The following THSD4 variants were observed in gnomAD, a reference collection of about 807,000 sequenced individuals.
THSD4 encodes the protein thrombospondin type 1 domain containing 4.
A neutral mutation model predicts 119.0 loss-of-function variants in THSD4; 69 were observed. That is an observed-to-expected ratio of 0.58 (90% confidence interval 0.48 to 0.71). The LOEUF is 0.71. Among genes scored for constraint, THSD4 ranks in the 30% least tolerant of loss-of-function variants. The probability of loss-of-function intolerance (pLI) is 0.00; values close to 1 mark genes in which losing one functional copy is unlikely to be tolerated. For synonymous variants in THSD4, 524 were observed against 540.4 expected, an observed-to-expected ratio of 0.97 and a Z score of 0.42; for missense variants, 1,393 against 1,391.1, an observed-to-expected ratio of 1.00 and a Z score of -0.02.
intron 6 of THSD4, among the ~76,000 whole-genome samples, chr15:71,359,586 T>G (rs994028005): frequency 6.6e-5 from 10 of 152,158 alleles, no homozygotes; most frequent in African/African-American, 2.4e-4. Flanking sequence ...GGTGGGTAGA[T>G]TGCTTGAGTT....
At chr15:71,579,985 T>C (rs2049527905) in intron 7 of THSD4, among the ~76,000 whole-genome samples, 1 of 152,058 alleles carries the variant, frequency 6.6e-6, no homozygotes. Context: ...AACCACAGGA[T>C]GCAAATTACA....
chr15:71,203,794 C>A (rs1328039889), intron 3 of THSD4, among the ~76,000 whole-genome samples: 1 of 152,154 alleles, frequency 6.6e-6, no homozygotes, highest in Non-Finnish European at 1.5e-5. Context: ...TGAACACTTG[C>A]TGCGTGCTGT....
intron 8 of THSD4, among the ~76,000 whole-genome samples, chr15:71,720,059 C>T (rs62023264): frequency 1.8e-4 from 20 of 112,070 alleles, no homozygotes; most frequent in Admixed American, 3.6e-4. Flanking sequence ...TTTTGAGACA[C>T]GGTCCCACTC....
intron 7 of THSD4, among the ~76,000 whole-genome samples, chr15:71,485,009 G>A (rs141397187): frequency 7.2e-5 from 11 of 152,234 alleles, no homozygotes; most frequent in African/African-American, 2.6e-4. Flanking sequence ...AAACCATTTT[G>A]TGTCTTCAAA....
chr15:71,736,119 GTC>G (rs1326402075), intron 10 of THSD4, among the ~76,000 whole-genome samples: 3 of 114,518 alleles, frequency 2.6e-5, no homozygotes, highest in African/African-American at 1.0e-4. Context: ...CTCTGTTGCT[GTC>G]TCTGTCTCTC....
intron 4 of THSD4, among the ~76,000 whole-genome samples, chr15:71,240,800 C>T (rs1596286082): frequency 1.6e-4 from 2 of 12,790 alleles, no homozygotes; most frequent in South Asian, 3.2e-3. Context: ...TATGTGTATA[C>T]ACACACACAC....
At chr15:71,611,342 C>T (rs1333957182) in intron 7 of THSD4, among the ~76,000 whole-genome samples, 1 of 152,182 alleles carries the variant, frequency 6.6e-6, no homozygotes, top group Non-Finnish European at 1.5e-5. Context: ...AAAAATAATG[C>T]CATTTTCCTT....
At chr15:71,281,710 T>C (rs374959885) in intron 6 of THSD4, among the ~76,000 whole-genome samples, 1 of 152,236 alleles carries the variant, frequency 6.6e-6, no homozygotes, top group Non-Finnish European at 1.5e-5. Context: ...CCTTTCTCCA[T>C]AGCATGAAGA....
intron 8 of THSD4, among the ~76,000 whole-genome samples, chr15:71,685,258 T>G (rs2141038864): frequency 6.6e-6 from 1 of 152,190 alleles, no homozygotes; most frequent in African/African-American, 2.4e-5. Flanking sequence ...GTGACACTTC[T>G]GTTTTTGCTG....
chr15:71,340,529 T>G (rs1190932438), intron 6 of THSD4, among the ~76,000 whole-genome samples: 1 of 152,094 alleles, frequency 6.6e-6, no homozygotes, highest in Admixed American at 6.5e-5. Context: ...TGGAGCTTCC[T>G]TGCTGTGACT....
intron 7 of THSD4, among the ~76,000 whole-genome samples, chr15:71,500,967 G>T (rs547881360): frequency 6.6e-6 from 1 of 152,134 alleles, no homozygotes; most frequent in Non-Finnish European, 1.5e-5. Context: ...AGGGTCCTTG[G>T]TGGTTCCATA....
chr15:71,454,279 A>G (rs2047306642), intron 7 of THSD4, among the ~76,000 whole-genome samples: 2 of 152,026 alleles, frequency 1.3e-5, no homozygotes, highest in African/African-American at 4.8e-5. Context: ...AACAAAAAGA[A>G]ACCCCACTCT....
At chr15:71,581,704 G>A (rs1387872430) in intron 7 of THSD4, among the ~76,000 whole-genome samples, 1 of 152,098 alleles carries the variant, frequency 6.6e-6, no homozygotes, top group Non-Finnish European at 1.5e-5. Context: ...TTTGTGTAGA[G>A]ATAAGGGTTT....
At position 71,569,229 on chromosome 15, in the gene THSD4, G is replaced by A. The variant is rs151267304; in HGVS notation, c.1153-91301G>A. ...CATGGATGTGAGTGCTGACCCACAC[G>A]GAGGCTTTCTTTGCTATTTGATTTC... On this transcript the variant is annotated intron_variant, in intron 7 of 17. Transcript: ENST00000261862. Among the ~76,000 whole-genome samples, 457 of 152,220 alleles carry A rather than the reference G, an allele frequency of 3.0e-3. 2 individuals carry two copies. Among genetic ancestry groups the A allele is most frequent in the African/African-American group, 0.011 (439 of 41,526 alleles).
intron 7 of THSD4, among the ~76,000 whole-genome samples, chr15:71,614,439 C>T (rs17728202): frequency 0.028 from 4,283 of 152,218 alleles, 94 homozygotes; most frequent in Non-Finnish European, 0.042. Flanking sequence ...TCCTAAAGTC[C>T]TCCCTGCTAG....
Position 71,595,917 on chromosome 15 carries a change from A to T in THSD4, c.1153-64613A>T, listed in dbSNP as rs118010022. 5.6e-3 allele frequency among the ~76,000 whole-genome samples: 851 copies of T among 152,334 alleles called. 6 individuals are homozygous for T. The highest frequency in any genetic ancestry group is 9.0e-3 in the Non-Finnish European group (613 of 68,012). On this transcript the variant is annotated intron_variant, in intron 7 of 17. Coordinates refer to ENST00000261862, the MANE Select transcript of THSD4 (RefSeq NM_024817.3). The stretch of plus-strand genomic sequence containing the variant: ...GTGTCTGTGTTTTTGTTAACTATGC[A>T]CATCGATTTGACTGAGAGACATAGC...
intron 6 of THSD4, among the ~76,000 whole-genome samples, chr15:71,325,154 TAACC>T: frequency 6.6e-6 from 1 of 152,346 alleles, no homozygotes; most frequent in South Asian, 2.1e-4. Flanking sequence ...ATAATTTATA[TAACC>T]AACCCTTCTT....
At chr15:71,269,017 C>A (rs1306471870) in intron 6 of THSD4, among the ~76,000 whole-genome samples, 1 of 152,106 alleles carries the variant, frequency 6.6e-6, no homozygotes, top group Non-Finnish European at 1.5e-5. Flanking sequence ...GATTCACAGG[C>A]AAATTCTACC....
At chr15:71,199,563 G>A (rs1182183926) in intron 3 of THSD4, among the ~76,000 whole-genome samples, 3 of 138,568 alleles carry the variant, frequency 2.2e-5, no homozygotes, top group East Asian at 2.2e-4. Flanking sequence ...TGTGTATGTG[G>A]TGTGTGTGTA....
Sources: gnomAD v4.1 joint callset for allele counts (sites outside exome capture counted in the v4.1 genomes callset) on GRCh38, gnomAD v4.1.1 for gene constraint, MANE v1.5 for transcripts, NCBI Gene and HGNC (gene_info 2026-07-23, HGNC 2026-07-21) for gene names.